SLC8A1: variants seen among roughly 807,000 people sequenced by gnomAD.
SLC8A1 encodes sodium/calcium exchanger 1.
A neutral mutation model predicts 68.3 loss-of-function variants in SLC8A1; 18 were observed. That is an observed-to-expected ratio of 0.26 (90% CI 0.18 to 0.39). SLC8A1 has a LOEUF of 0.39. SLC8A1 is among the 10% of genes least tolerant of loss of function. The pLI, the probability that SLC8A1 is intolerant of heterozygous loss-of-function variation, is 1.00. For missense variants in SLC8A1, 985 were observed against 1,156.7 expected, an observed-to-expected ratio of 0.85 and a Z score of 2.15; for synonymous variants, 475 against 415.5, an observed-to-expected ratio of 1.14 and a Z score of -1.74.
At chr2:40,334,750 T>C (rs114593780) in intron 2 of SLC8A1, among the ~76,000 whole-genome samples, 1,985 of 152,268 alleles carry the variant, frequency 0.013, 49 homozygotes, top group African/African-American at 0.046. Context: ...AGGCAGGCAA[T>C]ACCATAATAG....
At chr2:40,393,195 C>A (rs973633759) in intron 2 of SLC8A1, among the ~76,000 whole-genome samples, 4 of 150,692 alleles carry the variant, frequency 2.7e-5, no homozygotes, top group African/African-American at 7.4e-5. Context: ...GTTAGCATCA[C>A]CTCTATTTTT....
chr2:40,161,832 A>G (rs561822654), intron 5 of SLC8A1, among the ~76,000 whole-genome samples: 22 of 152,166 alleles, frequency 1.4e-4, no homozygotes, highest in Non-Finnish European at 3.1e-4. Flanking sequence ...AATTTCCACT[A>G]ATTGCAAAGA....
At chr2:40,269,708 A>G (rs999862746) in intron 2 of SLC8A1, among the ~76,000 whole-genome samples, 1 of 152,166 alleles carries the variant, frequency 6.6e-6, no homozygotes, top group Admixed American at 6.5e-5. Flanking sequence ...AGAGGTGGTC[A>G]CTGTGCTCAG....
intron 2 of SLC8A1, among the ~76,000 whole-genome samples, chr2:40,421,742 C>T (rs1695558232): frequency 6.6e-6 from 1 of 152,124 alleles, no homozygotes; most frequent in Admixed American, 6.5e-5. Context: ...CTGTCATCTA[C>T]AGCACCAAGT....
intron 2 of SLC8A1, among the ~76,000 whole-genome samples, chr2:40,339,222 GC>G (rs1184923783): frequency 3.9e-5 from 6 of 152,188 alleles, no homozygotes; most frequent in Non-Finnish European, 8.8e-5. Context: ...ATTATCTGTA[GC>G]AACCACTGTC....
At chr2:40,116,387 T>C (rs1449053741) in intron 7 of SLC8A1, among the ~76,000 whole-genome samples, 6 of 152,188 alleles carry the variant, frequency 3.9e-5, no homozygotes, top group Non-Finnish European at 8.8e-5. Flanking sequence ...TATGTATACA[T>C]GTGCCATGCT....
chr2:40,420,532 G>T (rs1020989100), intron 2 of SLC8A1, among the ~76,000 whole-genome samples: 9 of 152,264 alleles, frequency 5.9e-5, no homozygotes, highest in South Asian at 2.1e-4. Context: ...AATAAATATT[G>T]TGTGAGAGAA....
chr2:40,319,245 C>T (rs1049782220), intron 2 of SLC8A1, among the ~76,000 whole-genome samples: 4 of 152,062 alleles, frequency 2.6e-5, no homozygotes, highest in Non-Finnish European at 4.4e-5. Flanking sequence ...AACAAGTGTT[C>T]GTGAAGCTTC....
intron 6 of SLC8A1, among the ~76,000 whole-genome samples, chr2:40,142,309 C>T (rs2041716168): frequency 6.6e-6 from 1 of 152,174 alleles, no homozygotes; most frequent in African/African-American, 2.4e-5. Flanking sequence ...CACATTAATA[C>T]ATTCCCATTC....
intron 2 of SLC8A1, among the ~76,000 whole-genome samples, chr2:40,198,005 T>C (rs1454956804): frequency 6.6e-6 from 1 of 151,874 alleles, no homozygotes; most frequent in African/African-American, 2.4e-5. Flanking sequence ...TGAATATAGA[T>C]CAGAAGGACA....
At chr2:40,166,387 T>A (rs2046563926) in intron 4 of SLC8A1, among the ~76,000 whole-genome samples, 1 of 152,218 alleles carries the variant, frequency 6.6e-6, no homozygotes, top group Non-Finnish European at 1.5e-5. Context: ...TTCTTTAGTA[T>A]ACATTTTATA....
At chr2:40,130,184 C>A (rs759110742) in intron 7 of SLC8A1, among the ~76,000 whole-genome samples, 4 of 152,190 alleles carry the variant, frequency 2.6e-5, no homozygotes, top group African/African-American at 9.6e-5. Flanking sequence ...TGAAATGGAT[C>A]TTTCCCAGGT....
chr2:40,286,914 A>G (rs1453288630), intron 2 of SLC8A1, among the ~76,000 whole-genome samples: 1 of 152,210 alleles, frequency 6.6e-6, no homozygotes, highest in Non-Finnish European at 1.5e-5. Context: ...GTGAAAGATG[A>G]TGCAACCACG....
In SLC8A1 at chr2:40,423,289, G is replaced by T. The variant is rs140823766; in HGVS notation, c.1808+5184C>A. Among the ~76,000 whole-genome samples, 95 of 152,048 alleles carry T rather than the reference G, an allele frequency of 6.2e-4. No individual in the cohort carries two copies. In the East Asian group the frequency reaches 0.014, roughly 22 times the overall value. On this transcript the variant is annotated intron_variant, in intron 2 of 7. Transcript: ENST00000406785. ...ATGCTTTTGTCCTCCAAAAGCAAATGAAAATATTTTATCTAAAATCAAGGC... is the reference window on the plus strand; with the variant it reads ...ATGCTTTTGTCCTCCAAAAGCAAATTAAAATATTTTATCTAAAATCAAGGC...
intron 2 of SLC8A1, among the ~76,000 whole-genome samples, chr2:40,305,279 C>T: frequency 6.6e-6 from 1 of 152,144 alleles, no homozygotes; most frequent in East Asian, 1.9e-4. Flanking sequence ...TAGCCTGGAG[C>T]AGTTTTCGAG....
exon 8 of SLC8A1, chr2:40,115,020 C>T (rs982350038): frequency 1.1e-5 from 3 of 275,702 alleles, no homozygotes; most frequent in African/African-American, 6.6e-5. Context: ...TGCAGCCCTT[C>T]TAGACTGAGC....
At chr2:40,301,473 T>C (rs1176414760) in intron 2 of SLC8A1, among the ~76,000 whole-genome samples, 1 of 152,174 alleles carries the variant, frequency 6.6e-6, no homozygotes, top group Non-Finnish European at 1.5e-5. Context: ...ACTATTATTC[T>C]AAGGGAAGTA....
chr2:40,257,816 G>A (rs573426239), intron 2 of SLC8A1, among the ~76,000 whole-genome samples: 1 of 152,286 alleles, frequency 6.6e-6, no homozygotes, highest in Non-Finnish European at 1.5e-5. Flanking sequence ...AACTTTTTCT[G>A]CTCTGTCTTC....
At chr2:40,222,042 A>G (rs1279867710) in intron 2 of SLC8A1, among the ~76,000 whole-genome samples, 1 of 152,232 alleles carries the variant, frequency 6.6e-6, no homozygotes, top group Non-Finnish European at 1.5e-5. Context: ...ATGGAACTAA[A>G]AAAGAGCCTG....
Sources: gnomAD v4.1 joint callset for allele counts (sites outside exome capture counted in the v4.1 genomes callset) on GRCh38, gnomAD v4.1.1 for gene constraint, MANE v1.5 for transcripts, NCBI Gene and HGNC (gene_info 2026-07-23, HGNC 2026-07-21) for gene names.